Variants in GGT5 observed in about 807,000 individuals in gnomAD.
GGT5 encodes gamma-glutamyltransferase 5, also known as glutathione hydrolase 5 proenzyme.
A neutral mutation model predicts 58.1 loss-of-function variants in GGT5; 50 were observed. The ratio of observed to expected loss-of-function variants is 0.86; its 90% CI spans 0.69 to 1.09. The LOEUF is 1.09. Ranked by LOEUF, GGT5 falls within the 50% of genes least tolerant of loss-of-function variation. The pLI is 0.00. For synonymous variants in GGT5, 370 were observed against 346.1 expected, an observed-to-expected ratio of 1.07 and a Z score of -0.77; for missense variants, 800 against 789.4, an observed-to-expected ratio of 1.01 and a Z score of -0.16.
chr22:24,232,008 T>C, intron 5 of GGT5, 43 bp downstream of exon 5: 1 of 1,569,786 alleles, frequency 6.4e-7, no homozygotes. Flanking sequence ...AACTTGGCTC[T>C]TCCTCCAGCA....
At chr22:24,227,000 G>C (rs1017194221) in intron 6 of GGT5, among the ~76,000 whole-genome samples, 1 of 145,072 alleles carries the variant, frequency 6.9e-6, no homozygotes, top group South Asian at 2.2e-4. Context: ...CCAGGCTGGA[G>C]TGCAATGGCG....
chr22:24,239,275 C>G (rs898676252), intron 1 of GGT5, among the ~76,000 whole-genome samples: 7 of 150,798 alleles, frequency 4.6e-5, no homozygotes, highest in African/African-American at 1.5e-4. Flanking sequence ...GGAGGCAGAG[C>G]TTGCAGTGAG....
At chr22:24,230,563 TTAATAA>T (rs77986845) in intron 6 of GGT5, among the ~76,000 whole-genome samples, 13 of 150,930 alleles carry the variant, frequency 8.6e-5, no homozygotes, top group African/African-American at 2.4e-4. Flanking sequence ...GTCTCAATAA[TTAATAA>T]TAATAATAAT....
chr22:24,229,098 A>G (rs532635978), intron 6 of GGT5, among the ~76,000 whole-genome samples: 12 of 150,576 alleles, frequency 8.0e-5, no homozygotes, highest in Admixed American at 6.6e-4. Context: ...CCATCTCCAG[A>G]AAAAAGAAGG....
chr22:24,240,833 T>C (rs2048307029), intron 1 of GGT5, among the ~76,000 whole-genome samples: 3 of 152,102 alleles, frequency 2.0e-5, no homozygotes, highest in African/African-American at 7.2e-5. Context: ...AAAAGTATTA[T>C]TAGAGATAAG....
intron 1 of GGT5, among the ~76,000 whole-genome samples, chr22:24,239,326 G>A (rs368125294): frequency 2.0e-5 from 3 of 151,450 alleles, no homozygotes; most frequent in Non-Finnish European, 4.4e-5. Context: ...GCGACAGAGC[G>A]AGACTCTGTC....
rs761335440 is a variant in GGT5 at position 24,220,062 on chromosome 22, A to C, written c.1669T>G (p.Phe557Val). 1.2e-6 allele frequency: 2 copies of C among 1,614,160 alleles called. No homozygotes were observed. The highest frequency in any genetic ancestry group is 8.5e-7 in the Non-Finnish European group (1 of 1,179,982). ...RGQNQTQRPF[F>V]LNVVQAVSQE... is the part of the protein sequence containing the mutation. ...GACACAGCCTGGACCACGTTCAGGA[A>C]GAAGGGCCTCTGGGTCTGGTTCTGG... The change falls in exon 12 of 12, where the codon TTC becomes GTC. Residue 557 changes from phenylalanine (F) to valine (V), a missense_variant. Physicochemically the swap from Phe to Val is conservative, Grantham distance 50 (BLOSUM62 -1). Transcript: ENST00000327365.
At chr22:24,228,453 GTT>G (rs61344424) in intron 6 of GGT5, among the ~76,000 whole-genome samples, 3,212 of 137,008 alleles carry the variant, frequency 0.023, 50 homozygotes, top group African/African-American at 0.024. Flanking sequence ...TTTCAAAACA[GTT>G]TTTTTTTTTT....
At chr22:24,226,606 A>C in intron 7 of GGT5, 25 bp downstream of exon 7, 1 of 1,612,704 alleles carries the variant, frequency 6.2e-7, no homozygotes, top group Non-Finnish European at 8.5e-7. Context: ...ACGGCCCACC[A>C]GCCCAGCAAC....
intron 11 of GGT5, among the ~76,000 whole-genome samples, 173 bp from the exon 12 acceptor site, chr22:24,220,289 G>A (rs1389644193): frequency 1.3e-5 from 2 of 152,180 alleles, no homozygotes; most frequent in Non-Finnish European, 2.9e-5. Context: ...AGATCCAAAG[G>A]CCCATAGAGG....
intron 11 of GGT5, chr22:24,220,538 G>A (rs934457202): frequency 4.4e-6 from 2 of 457,748 alleles, no homozygotes; most frequent in African/African-American, 2.0e-5. Context: ...GATCACTTGA[G>A]GCCAGGAGTT....
intron 1 of GGT5, chr22:24,243,541 A>G (rs1187481274): frequency 1.3e-5 from 2 of 152,284 alleles, no homozygotes; most frequent in Non-Finnish European, 2.9e-5. Flanking sequence ...CCTTGCTTTA[A>G]TTTACAAAGC....
chr22:24,227,813 G>A (rs571537098), intron 6 of GGT5, among the ~76,000 whole-genome samples: 2 of 151,940 alleles, frequency 1.3e-5, no homozygotes, highest in African/African-American at 2.4e-5. Flanking sequence ...TGTAGTCCCA[G>A]CACTTTGGGA....
At chr22:24,222,688 C>T (rs1046099266) in intron 11 of GGT5, among the ~76,000 whole-genome samples, 1 of 152,166 alleles carries the variant, frequency 6.6e-6, no homozygotes, top group African/African-American at 2.4e-5. Flanking sequence ...ATCCCAGTCC[C>T]CAGACTGTCA....
At chr22:24,222,655 T>A (rs150865798) in intron 11 of GGT5, among the ~76,000 whole-genome samples, 1 of 152,280 alleles carries the variant, frequency 6.6e-6, no homozygotes, top group East Asian at 1.9e-4. Context: ...AACCTTAGGT[T>A]TGTGGGTCAC....
intron 1 of GGT5, among the ~76,000 whole-genome samples, chr22:24,240,518 T>C (rs1288583238): frequency 6.6e-6 from 1 of 150,836 alleles, no homozygotes; most frequent in East Asian, 1.9e-4. Flanking sequence ...AGATAGAGCC[T>C]CACTCTGTCT....
At chr22:24,231,632 T>C (rs933124754) in intron 5 of GGT5, 102 bp from the exon 6 acceptor site, 1 of 1,214,764 alleles carries the variant, frequency 8.2e-7, no homozygotes, top group East Asian at 2.5e-5. Context: ...CTCATGCTTT[T>C]GCCTTGTGGA....
intron 6 of GGT5, among the ~76,000 whole-genome samples, chr22:24,229,311 G>A (rs983515832): frequency 1.3e-5 from 2 of 151,896 alleles, no homozygotes; most frequent in African/African-American, 4.8e-5. Flanking sequence ...GGAGGCTGAG[G>A]CAGGAAAATC....
intron 4 of GGT5, 21 bp from the exon 5 acceptor site, chr22:24,232,229 C>T: frequency 7.4e-7 from 1 of 1,356,624 alleles, no homozygotes; most frequent in Non-Finnish European, 1.0e-6. Context: ...GGGGGAGCCT[C>T]AGGGTGGGGC....
Sources: allele counts gnomAD v4.1 joint callset (sites outside exome capture counted in the v4.1 genomes callset), GRCh38; gene constraint gnomAD v4.1.1; transcripts MANE v1.5; gene names NCBI Gene and HGNC (gene_info 2026-07-23, HGNC 2026-07-21).